TLN2: variants seen among roughly 807,000 people sequenced by gnomAD.
TLN2 encodes the protein talin-2.
Under a neutral mutation model 294.7 loss-of-function variants are expected in TLN2, and 118 were observed. That is an observed-to-expected ratio of 0.40 (90% CI 0.34 to 0.47). TLN2 has a LOEUF of 0.47. Ranked by LOEUF, TLN2 falls within the 20% of genes least tolerant of loss-of-function variation. TLN2 has a pLI of 0.84. For synonymous variants in TLN2, 1,431 were observed against 1,304.5 expected, an observed-to-expected ratio of 1.10 and a Z score of -2.09; for missense variants, 3,083 against 3,282.2, an observed-to-expected ratio of 0.94 and a Z score of 1.48.
chr15:62,427,808 C>G (rs950973695), intron 1 of TLN2, among the ~76,000 whole-genome samples: 4 of 152,184 alleles, frequency 2.6e-5, no homozygotes, highest in Non-Finnish European at 5.9e-5. Context: ...CCTCGACTCC[C>G]TATTTGTTTC....
intron 48 of TLN2, 33 bp downstream of exon 48, chr15:62,797,435 G>A (rs374104789): frequency 1.5e-5 from 24 of 1,552,992 alleles, no homozygotes; most frequent in South Asian, 9.6e-5. Context: ...GCGTCCTCCC[G>A]GTCTTCCCGT....
At chr15:62,685,768 T>G (rs1270127284) in intron 11 of TLN2, among the ~76,000 whole-genome samples, 1 of 152,260 alleles carries the variant, frequency 6.6e-6, no homozygotes, top group Non-Finnish European at 1.5e-5. Flanking sequence ...GTATATGAAG[T>G]CTATTGCCAT....
At position 62,712,107 on chromosome 15, in the gene TLN2, G is replaced by T. The variant is rs376799840; in HGVS notation, c.2634+30G>T. ...TCTACTGGATTTGTTTGTATGAAAAGTGAACACTATTAAGTGTTAGGATTT... is the reference window on the plus strand; with the variant it reads ...TCTACTGGATTTGTTTGTATGAAAATTGAACACTATTAAGTGTTAGGATTT... On this transcript the variant is annotated intron_variant, in intron 22 of 58. Transcript: ENST00000636159. 1.5e-5 allele frequency: 24 copies of T among 1,609,032 alleles called. No individual in the cohort carries two copies. In the Admixed American group the frequency reaches 2.0e-4, roughly 13 times the overall value.
At chr15:62,808,280 G>A (rs1253837243) in intron 51 of TLN2, among the ~76,000 whole-genome samples, 2 of 152,124 alleles carry the variant, frequency 1.3e-5, no homozygotes, top group African/African-American at 4.8e-5. Flanking sequence ...TATAATTAAT[G>A]TTATAAAGCT....
intron 1 of TLN2, among the ~76,000 whole-genome samples, chr15:62,558,080 G>T (rs528579147): frequency 1.3e-5 from 2 of 152,286 alleles, no homozygotes; most frequent in South Asian, 4.1e-4. Context: ...TATATCTGAA[G>T]AAAAGACTTT....
Position 62,752,362 on chromosome 15 carries a change from G to A in TLN2, c.4267G>A (p.Ala1423Thr). The change falls in exon 35 of 59, where the codon GCC becomes ACC. Residue 1423 changes from alanine to threonine, a missense_variant. Ala to Thr is a moderately conservative substitution (Grantham distance 58). Coordinates refer to ENST00000636159, the MANE Select transcript of TLN2 (RefSeq NM_015059.3). ...GAATGCCAAGACCGGAGACCTCCCT[G>A]CCTTTGGGGAATGTGTGGGGATTGC... ...SQNAKTGDLP[A>T]FGECVGIASK... is the part of the protein sequence containing the mutation. 1 of 1,614,156 alleles carries A rather than the reference G, an allele frequency of 6.2e-7. No individual in the cohort carries two copies. Among genetic ancestry groups the A allele is most frequent in the Non-Finnish European group, 8.5e-7 (1 of 1,180,032 alleles).
rs949296730 is a variant in TLN2 at position 62,632,643 on chromosome 15, A to C, written c.-37+14168A>C. On this transcript the variant is annotated intron_variant, in intron 3 of 58. Coordinates refer to ENST00000636159, the MANE Select transcript of TLN2 (RefSeq NM_015059.3). ...TTATTCCATCTTGTTTATTCCCTGA[A>C]GTAATCAGCACAGTATCTTGTGCAT... Among the ~76,000 whole-genome samples the C allele has an allele frequency of 2.6e-5, 4 of 152,348 alleles. No individual in the cohort carries two copies. In the East Asian group the frequency reaches 7.7e-4, roughly 29 times the overall value.
At chr15:62,499,142 G>T (rs1205607755) in intron 1 of TLN2, among the ~76,000 whole-genome samples, 1 of 151,992 alleles carries the variant, frequency 6.6e-6, no homozygotes, top group Non-Finnish European at 1.5e-5. Context: ...TGCTACCTGG[G>T]ACATTATTTT....
chr15:62,459,041 G>A (rs1170802757), intron 1 of TLN2, among the ~76,000 whole-genome samples: 4 of 151,412 alleles, frequency 2.6e-5, no homozygotes, highest in Non-Finnish European at 4.4e-5. Flanking sequence ...TCACTCTGTC[G>A]CCAGGCTGGA....
chr15:62,589,166 T>C (rs777032851), intron 1 of TLN2, among the ~76,000 whole-genome samples: 3 of 152,126 alleles, frequency 2.0e-5, no homozygotes, highest in Non-Finnish European at 4.4e-5. Context: ...ATTATAGTGC[T>C]TCTCTGCTTC....
chr15:62,714,636 T>TA (rs2059654064), intron 22 of TLN2, among the ~76,000 whole-genome samples: 1 of 152,236 alleles, frequency 6.6e-6, no homozygotes, highest in African/African-American at 2.4e-5. Context: ...AGTGTTTCTG[T>TA]AAATTCTTTT....
At chr15:62,460,637 A>T (rs866353744) in intron 1 of TLN2, among the ~76,000 whole-genome samples, 6 of 152,246 alleles carry the variant, frequency 3.9e-5, no homozygotes, top group Middle Eastern at 3.2e-3. Flanking sequence ...GTCAGGTGCC[A>T]GTCCTCATGA....
At chr15:62,457,349 G>C (rs988440645) in intron 1 of TLN2, among the ~76,000 whole-genome samples, 1 of 152,188 alleles carries the variant, frequency 6.6e-6, no homozygotes, top group Non-Finnish European at 1.5e-5. Flanking sequence ...CTCCACTGTC[G>C]TGACCTCATC....
At chr15:62,510,579 G>T (rs1405608207) in intron 1 of TLN2, among the ~76,000 whole-genome samples, 1 of 152,212 alleles carries the variant, frequency 6.6e-6, no homozygotes, top group African/African-American at 2.4e-5. Flanking sequence ...TAAGTTATGG[G>T]TATTGTAATT....
intron 41 of TLN2, among the ~76,000 whole-genome samples, chr15:62,767,434 C>T (rs929207819): frequency 7.2e-5 from 11 of 151,852 alleles, no homozygotes; most frequent in African/African-American, 1.9e-4. Flanking sequence ...CTCCGCCTCC[C>T]GGGTTCAGTC....
chr15:62,653,347 A>G (rs377065476), intron 7 of TLN2, 33 bp downstream of exon 7: 12 of 1,586,286 alleles, frequency 7.6e-6, no homozygotes, highest in Non-Finnish European at 1.0e-5. Context: ...TGATACAGAC[A>G]CACAGGCTTT....
intron 3 of TLN2, among the ~76,000 whole-genome samples, chr15:62,621,450 A>G (rs537904485): frequency 1.0e-3 from 155 of 152,356 alleles, no homozygotes; most frequent in African/African-American, 3.6e-3. Context: ...CTCTTGGTCA[A>G]TAGAGATAAA....
intron 46 of TLN2, among the ~76,000 whole-genome samples, chr15:62,795,754 CAT>C (rs974828943): frequency 4.6e-5 from 7 of 152,208 alleles, no homozygotes; most frequent in African/African-American, 1.7e-4. Flanking sequence ...GTTTCAGAAA[CAT>C]AGCAGTAATT....
At chr15:62,457,039 A>G (rs894526250) in intron 1 of TLN2, among the ~76,000 whole-genome samples, 3 of 152,104 alleles carry the variant, frequency 2.0e-5, no homozygotes, top group Admixed American at 6.5e-5. Context: ...GGCCCTGTCT[A>G]CCCTTGGTCA....
Sources: allele counts gnomAD v4.1 joint callset (sites outside exome capture counted in the v4.1 genomes callset), GRCh38; gene constraint gnomAD v4.1.1; transcripts MANE v1.5; gene names NCBI Gene and HGNC (gene_info 2026-07-23, HGNC 2026-07-21).